Variants in WIPI1 observed in about 807,000 individuals in gnomAD.
WIPI1 encodes WD repeat domain, phosphoinositide interacting 1, also known as WD repeat domain phosphoinositide-interacting protein 1.
WIPI1 carries 45 observed loss-of-function variants against 55.3 expected under a neutral mutation model. The observed-to-expected ratio is 0.81, with a 90% confidence interval of 0.64 to 1.04. The LOEUF (loss-of-function observed/expected upper bound fraction) is 1.04. Ranked by LOEUF, WIPI1 falls within the 50% of genes least tolerant of loss-of-function variation. WIPI1 has a pLI of 0.00. For synonymous variants in WIPI1, 195 were observed against 217.6 expected, an observed-to-expected ratio of 0.90 and a Z score of 0.92; for missense variants, 445 against 559.0, an observed-to-expected ratio of 0.80 and a Z score of 2.06.
At chr17:68,450,647 A>T in intron 3 of WIPI1, 81 bp downstream of exon 3, 7 of 1,503,474 alleles carry the variant, frequency 4.7e-6, no homozygotes, top group Non-Finnish European at 6.3e-6. Flanking sequence ...TTTTACAGAC[A>T]TTGATCTTGA....
intron 6 of WIPI1, among the ~76,000 whole-genome samples, 166 bp from the exon 7 acceptor site, chr17:68,434,792 C>A (rs1040760478): frequency 6.6e-6 from 1 of 152,186 alleles, no homozygotes; most frequent in African/African-American, 2.4e-5. Context: ...ATCAACAATT[C>A]TTGGAAAATG....
chr17:68,457,396 G>A lies in WIPI1; in HGVS notation c.26C>T (p.Pro9Leu). MEAEAADA[P>L]PGGVESALSC... ...GAGCGCCGACTCAACCCCGCCCGGGGGAGCGTCCGCGGCCTCGGCCTCCAT... is the reference window on the plus strand; with the variant it reads ...GAGCGCCGACTCAACCCCGCCCGGGAGAGCGTCCGCGGCCTCGGCCTCCAT... The change falls in exon 1 of 13, where the codon CCC becomes CTC. Residue 9 changes from proline (P) to leucine (L), a missense_variant. Physicochemically the swap from Pro to Leu is moderately conservative, Grantham distance 98. Transcript: ENST00000262139. 6.5e-7 allele frequency: 1 copy of A among 1,533,014 alleles called. No homozygotes were observed. The highest frequency in any genetic ancestry group is 1.7e-4 in the Middle Eastern group (1 of 5,850). The allele number at this position is 1,533,014 out of a possible 1,614,324, so 95.0% of individuals were successfully genotyped here.
At chr17:68,426,017 A>G (rs12946747) in intron 12 of WIPI1, 58 bp downstream of exon 12, 337,481 of 1,400,236 alleles carry the variant, frequency 0.24, 42,208 homozygotes, top group Middle Eastern at 0.26. Flanking sequence ...GTATGAGGCG[A>G]AGGTTTCCTT....
At chr17:68,425,329 G>A (rs1261822063) in intron 12 of WIPI1, among the ~76,000 whole-genome samples, 4 of 151,756 alleles carry the variant, frequency 2.6e-5, no homozygotes, top group Admixed American at 1.3e-4. Context: ...TCAGCGTCCC[G>A]AATAGCTGGG....
In WIPI1 at chr17:68,450,002, C is replaced by A. The variant is rs1300088016; in HGVS notation, c.333+726G>T. Among the ~76,000 whole-genome samples the A allele has an allele frequency of 3.3e-5, 5 of 152,264 alleles. No homozygotes were observed. The South Asian group carries it at 6.2e-4, about 19-fold the overall frequency. ...TTCCAGCCTGGGCAATAGGGCAAGACCCTGTCTCAAAAACAGAAACAACAA... is the reference window on the plus strand; with the variant it reads ...TTCCAGCCTGGGCAATAGGGCAAGAACCTGTCTCAAAAACAGAAACAACAA... On this transcript the variant is annotated intron_variant, in intron 3 of 12. Coordinates refer to ENST00000262139, the MANE Select transcript of WIPI1 (RefSeq NM_017983.7).
At chr17:68,438,243 G>GGCAGCCCT (rs60027273) in intron 4 of WIPI1, among the ~76,000 whole-genome samples, 49,902 of 151,622 alleles carry the variant, frequency 0.33, 8,661 homozygotes, top group Middle Eastern at 0.46. Context: ...TGCACGTTCT[G>GGCAGCCCT]GCAGCCCTGC....
rs560111051 is a variant in WIPI1, at chr17:68,448,073, A to G, written c.333+2655T>C. Among the ~76,000 whole-genome samples, 75 of 152,228 alleles carry G rather than the reference A, an allele frequency of 4.9e-4. 1 individual carries two copies. Among genetic ancestry groups the G allele is most frequent in the African/African-American group, 1.7e-3 (70 of 41,556 alleles). On this transcript the variant is annotated intron_variant, in intron 3 of 12. Coordinates refer to ENST00000262139, the MANE Select transcript of WIPI1 (RefSeq NM_017983.7). ...CTTTAACTTTTTCCTGTTTTTCAAA[A>G]AAGAAACTGTGCTGTCTGAAGGCCT...
At chr17:68,440,620 T>G (rs1184064128) in intron 4 of WIPI1, 1 of 152,210 alleles carries the variant, frequency 6.6e-6, no homozygotes, top group Non-Finnish European at 1.5e-5. Context: ...CTTTTGGATG[T>G]GTTATAGCTT....
At chr17:68,425,323 C>T (rs752818275) in intron 12 of WIPI1, among the ~76,000 whole-genome samples, 6 of 152,036 alleles carry the variant, frequency 3.9e-5, no homozygotes, top group African/African-American at 7.2e-5. Context: ...CCCATCTCAG[C>T]GTCCCGAATA....
intron 1 of WIPI1, among the ~76,000 whole-genome samples, chr17:68,456,679 AAG>A (rs544709133): frequency 4.1e-4 from 62 of 152,320 alleles, no homozygotes; most frequent in African/African-American, 1.3e-3. Context: ...CGCCCGGGAA[AAG>A]AGTCTTGGAC....
chr17:68,451,064 C>T (rs535350369), intron 2 of WIPI1, among the ~76,000 whole-genome samples, 167 bp from the exon 3 acceptor site: 4 of 152,250 alleles, frequency 2.6e-5, no homozygotes, highest in African/African-American at 9.6e-5. Flanking sequence ...CCATGCCCCC[C>T]ACCCTGCCAG....
At chr17:68,446,843 C>T (rs994844180) in intron 3 of WIPI1, among the ~76,000 whole-genome samples, 16 of 152,156 alleles carry the variant, frequency 1.1e-4, no homozygotes, top group African/African-American at 2.9e-4. Flanking sequence ...ATCTGCTCTG[C>T]GGCTCACTCA....
At chr17:68,448,205 A>G (rs1205308535) in intron 3 of WIPI1, 1 of 152,342 alleles carries the variant, frequency 6.6e-6, no homozygotes, top group African/African-American at 2.4e-5. Flanking sequence ...CAGAATCCCT[A>G]CCTGGCAAGA....
At chr17:68,430,583 G>A (rs920464689) in intron 8 of WIPI1, among the ~76,000 whole-genome samples, 5 of 152,214 alleles carry the variant, frequency 3.3e-5, no homozygotes, top group Admixed American at 6.5e-5. Context: ...TCCTGAGCCA[G>A]ACTGAGTGGG....
chr17:68,456,556 A>C (rs2084649095), intron 1 of WIPI1, among the ~76,000 whole-genome samples: 1 of 152,348 alleles, frequency 6.6e-6, no homozygotes, highest in East Asian at 1.9e-4. Context: ...CCTGAAACAC[A>C]CTTCAGCCCA....
chr17:68,446,028 G>T (rs777309290), intron 3 of WIPI1, among the ~76,000 whole-genome samples: 9 of 152,162 alleles, frequency 5.9e-5, no homozygotes, highest in Non-Finnish European at 1.3e-4. Context: ...ACATCAGCTA[G>T]AAGGGAAGGT....
At chr17:68,454,429 C>T (rs560334398) in intron 1 of WIPI1, among the ~76,000 whole-genome samples, 1 of 152,116 alleles carries the variant, frequency 6.6e-6, no homozygotes, top group African/African-American at 2.4e-5. Flanking sequence ...TTTTTCCCTA[C>T]CCAGACATTT....
chr17:68,450,963 T>C, intron 2 of WIPI1, 66 bp from the exon 3 acceptor site: 1 of 1,553,812 alleles, frequency 6.4e-7, no homozygotes, highest in Non-Finnish European at 8.7e-7. Context: ...CCAGCCTCCA[T>C]GACACTGGGC....
chr17:68,421,880 C>T, intron 12 of WIPI1, 60 bp from the exon 13 acceptor site: 1 of 1,605,876 alleles, frequency 6.2e-7, no homozygotes, highest in Non-Finnish European at 8.5e-7. Flanking sequence ...TAGGCAGGTG[C>T]ATTATCAACA....
Sources: gnomAD v4.1 joint callset for allele counts (sites outside exome capture counted in the v4.1 genomes callset) on GRCh38, gnomAD v4.1.1 for gene constraint, MANE v1.5 for transcripts, NCBI Gene and HGNC (gene_info 2026-07-23, HGNC 2026-07-21) for gene names.